The following RBFOX1 variants were observed in gnomAD, a reference collection of about 807,000 sequenced individuals.
RBFOX1 encodes RNA binding fox-1 homolog 1.
A neutral mutation model predicts 57.7 loss-of-function variants in RBFOX1; 8 were observed. The observed-to-expected ratio is 0.14, with a 90% confidence interval of 0.08 to 0.25. RBFOX1 has a LOEUF of 0.25. Among genes scored for constraint, RBFOX1 ranks in the 10% least tolerant of loss-of-function variants. RBFOX1 has a pLI of 1.00. For missense variants in RBFOX1, 611 were observed against 548.5 expected (o/e 1.11, Z -1.14); for synonymous variants, 326 against 222.4 (o/e 1.47, Z -4.15).
chr16:6,345,090 T>A (rs898028447), intron 2 of RBFOX1, among the ~76,000 whole-genome samples: 1 of 152,162 alleles, frequency 6.6e-6, no homozygotes, highest in African/African-American at 2.4e-5. Context: ...GACACTAGAT[T>A]CTTGTGAAGC....
At chr16:6,445,534 A>G (rs541460644) in intron 2 of RBFOX1, among the ~76,000 whole-genome samples, 103 of 149,902 alleles carry the variant, frequency 6.9e-4, no homozygotes, top group African/African-American at 2.4e-3. Flanking sequence ...GGAACCAGGG[A>G]AGCTTATTAA....
intron 3 of RBFOX1, among the ~76,000 whole-genome samples, chr16:6,741,244 G>C (rs1002107342): frequency 2.0e-5 from 3 of 152,102 alleles, no homozygotes; most frequent in Non-Finnish European, 2.9e-5. Context: ...ATGGATCGTA[G>C]GTTAAATTGA....
At chr16:7,427,224 C>T (rs1402757576) in intron 4 of RBFOX1, among the ~76,000 whole-genome samples, 1 of 152,028 alleles carries the variant, frequency 6.6e-6, no homozygotes, top group Non-Finnish European at 1.5e-5. Flanking sequence ...TGTAACAAAC[C>T]TGCATGTTGT....
chr16:5,474,946 C>T (rs1359992959), intron 2 of RBFOX1, among the ~76,000 whole-genome samples: 8 of 152,188 alleles, frequency 5.3e-5, no homozygotes, highest in African/African-American at 1.9e-4. Context: ...TTGAGCTTGG[C>T]TGATGCATCC....
rs2095541863 is a variant in RBFOX1, at chr16:6,487,899, A to T, written c.-63-166704A>T. On this transcript the variant is annotated intron_variant, in intron 2 of 15. Transcript: ENST00000550418. ...CCTTTTTCCTTACACACTAATTAGTAGTCAAAACCAGCCGCTTTAATGATC... is the reference window on the plus strand; with the variant it reads ...CCTTTTTCCTTACACACTAATTAGTTGTCAAAACCAGCCGCTTTAATGATC... 1.3e-5 allele frequency among the ~76,000 whole-genome samples: 2 copies of T among 151,738 alleles called. 1 individual carries two copies. Among genetic ancestry groups the T allele is most frequent in the Admixed American group, 1.3e-4 (2 of 15,242 alleles).
At chr16:6,532,895 G>T (rs940682756) in intron 2 of RBFOX1, among the ~76,000 whole-genome samples, 2 of 152,228 alleles carry the variant, frequency 1.3e-5, no homozygotes, top group African/African-American at 2.4e-5. Context: ...TTGAGTGCCA[G>T]TGTCACCAAC....
At chr16:5,296,079 TC>T (rs781083818) in intron 1 of RBFOX1, among the ~76,000 whole-genome samples, 129 of 95,674 alleles carry the variant, frequency 1.3e-3, no homozygotes, top group Admixed American at 4.2e-3. Flanking sequence ...GCGCCCGGGT[TC>T]CCCCTGAGCT....
chr16:5,756,803 G>A (rs184248001), intron 3 of RBFOX1, among the ~76,000 whole-genome samples: 3 of 152,282 alleles, frequency 2.0e-5, no homozygotes, highest in East Asian at 1.9e-4. Context: ...GGCCAGCTTC[G>A]TGGGAAAGGT....
intron 10 of RBFOX1, among the ~76,000 whole-genome samples, chr16:7,629,573 C>A (rs2060610625): frequency 6.6e-6 from 1 of 152,140 alleles, no homozygotes; most frequent in Admixed American, 6.5e-5. Context: ...CCTTAAAACT[C>A]CTCAGAATTC....
chr16:7,314,141 G>C (rs924730234), intron 4 of RBFOX1, among the ~76,000 whole-genome samples: 1 of 152,172 alleles, frequency 6.6e-6, no homozygotes. Flanking sequence ...GAACGAGGCT[G>C]TGAGAATCAT....
chr16:6,212,649 G>A (rs898391736), intron 1 of RBFOX1, among the ~76,000 whole-genome samples: 1 of 152,138 alleles, frequency 6.6e-6, no homozygotes, highest in African/African-American at 2.4e-5. Context: ...GGAGCTTGCA[G>A]TGAGCTGAGA....
At chr16:6,996,665 G>C (rs532642309) in intron 3 of RBFOX1, among the ~76,000 whole-genome samples, 1 of 152,310 alleles carries the variant, frequency 6.6e-6, no homozygotes, top group Non-Finnish European at 1.5e-5. Context: ...TTTGTCTGAG[G>C]TCACAGAGGT....
intron 4 of RBFOX1, among the ~76,000 whole-genome samples, chr16:5,871,578 A>G (rs565529013): frequency 5.2e-4 from 79 of 152,246 alleles, no homozygotes; most frequent in Non-Finnish European, 9.4e-4. Context: ...GAGAGAACGA[A>G]GTTACCTGGG....
intron 4 of RBFOX1, among the ~76,000 whole-genome samples, chr16:7,417,526 TA>T (rs2098493608): frequency 1.5e-5 from 1 of 67,914 alleles, no homozygotes; most frequent in Non-Finnish European, 2.9e-5. Flanking sequence ...CTTCACATGG[TA>T]TTGTGTGTGT....
At chr16:6,963,735 G>T (rs968130627) in intron 3 of RBFOX1, among the ~76,000 whole-genome samples, 14 of 152,216 alleles carry the variant, frequency 9.2e-5, no homozygotes, top group South Asian at 4.1e-4. Context: ...GTCTTGCTCT[G>T]TTGCCCAGGC....
chr16:6,574,681 G>T (rs968436817), intron 2 of RBFOX1, among the ~76,000 whole-genome samples: 2 of 113,734 alleles, frequency 1.8e-5, no homozygotes, highest in East Asian at 5.9e-4. Flanking sequence ...GCCCGCCTCG[G>T]CCTCCCAAAG....
chr16:6,557,311 G>A (rs1407284628), intron 2 of RBFOX1, among the ~76,000 whole-genome samples: 1 of 151,830 alleles, frequency 6.6e-6, no homozygotes, highest in East Asian at 1.9e-4. Flanking sequence ...GCAGAATCTT[G>A]CTTTCACAGT....
intron 2 of RBFOX1, among the ~76,000 whole-genome samples, chr16:6,493,142 G>C (rs116592145): frequency 8.5e-5 from 13 of 152,262 alleles, no homozygotes; most frequent in African/African-American, 2.6e-4. Flanking sequence ...GGTCAGCTTA[G>C]ATACCAACAT....
intron 3 of RBFOX1, among the ~76,000 whole-genome samples, chr16:5,650,630 T>C (rs886785977): frequency 2.6e-5 from 4 of 152,180 alleles, no homozygotes; most frequent in African/African-American, 9.6e-5. Flanking sequence ...GCTGCTTAGA[T>C]AAACACCAGA....
Sources: allele counts gnomAD v4.1 joint callset (sites outside exome capture counted in the v4.1 genomes callset), GRCh38; gene constraint gnomAD v4.1.1; transcripts MANE v1.5; gene names NCBI Gene and HGNC (gene_info 2026-07-23, HGNC 2026-07-21).